NIPBL: variants seen among roughly 807,000 people sequenced by gnomAD.
NIPBL encodes the protein NIPBL cohesin loading factor, also known as nipped-B-like protein.
NIPBL carries 19 observed loss-of-function variants against 321.8 expected under a neutral mutation model. The observed-to-expected ratio is 0.06, with a 90% CI of 0.04 to 0.09. NIPBL has a LOEUF of 0.09. NIPBL is among the 10% of genes least tolerant of loss of function. The pLI, the probability that NIPBL is intolerant of heterozygous loss-of-function variation, is 1.00. For synonymous variants in NIPBL, 1,106 were observed against 1,114.1 expected (o/e 0.99, Z 0.14); for missense variants, 2,210 against 3,327.0 (o/e 0.66, Z 8.26).
At chr5:37,028,540 C>T (rs1580519706) in intron 32 of NIPBL, among the ~76,000 whole-genome samples, 1 of 151,712 alleles carries the variant, frequency 6.6e-6, no homozygotes, top group African/African-American at 2.4e-5. Context: ...GAAGTTTCGC[C>T]ATGTTGGCCA....
At chr5:37,058,740 C>T (rs1276852477) in intron 43 of NIPBL, 151 bp from the exon 44 acceptor site, 5 of 632,946 alleles carry the variant, frequency 7.9e-6, no homozygotes, top group Middle Eastern at 4.1e-4. Context: ...GAAACTATCC[C>T]CTAAGATTAC....
intron 1 of NIPBL, among the ~76,000 whole-genome samples, chr5:36,887,161 G>A (rs992482054): frequency 6.6e-6 from 1 of 151,866 alleles, no homozygotes; most frequent in African/African-American, 2.4e-5. Flanking sequence ...ATTATTATAT[G>A]GCATTTATTT....
At chr5:37,021,372 A>G (rs1442576375) in intron 27 of NIPBL, among the ~76,000 whole-genome samples, 1 of 152,160 alleles carries the variant, frequency 6.6e-6, no homozygotes, top group Non-Finnish European at 1.5e-5. Flanking sequence ...ATTTGTATGA[A>G]TGCACACACA....
At chr5:37,037,395 A>ATATATATATATATG (rs1008613851) in intron 33 of NIPBL, among the ~76,000 whole-genome samples, 1 of 141,020 alleles carries the variant, frequency 7.1e-6, no homozygotes, top group African/African-American at 2.5e-5. Context: ...CTCAAAAAAT[A>ATATATATATATATG]TATATATATA....
At chr5:37,013,322 C>T (rs1186419846) in intron 21 of NIPBL, among the ~76,000 whole-genome samples, 2 of 150,714 alleles carry the variant, frequency 1.3e-5, no homozygotes, top group African/African-American at 4.9e-5. Context: ...CCCTCCCGGA[C>T]GGGGCGGCTG....
chr5:37,052,774 ATAATTTT>A (rs1753705069), intron 42 of NIPBL, among the ~76,000 whole-genome samples: 1 of 152,232 alleles, frequency 6.6e-6, no homozygotes, highest in Non-Finnish European at 1.5e-5. Flanking sequence ...GGAATAATGT[ATAATTTT>A]GCCTCCATAC....
chr5:36,903,194 G>A (rs961801564), intron 1 of NIPBL, among the ~76,000 whole-genome samples: 1 of 152,094 alleles, frequency 6.6e-6, no homozygotes, highest in Non-Finnish European at 1.5e-5. Context: ...TCTAGGAATA[G>A]GATCATTATC....
chr5:36,910,176 T>A (rs187851681), intron 1 of NIPBL, among the ~76,000 whole-genome samples: 21 of 152,336 alleles, frequency 1.4e-4, no homozygotes, highest in Non-Finnish European at 2.2e-4. Context: ...TCTTATATTG[T>A]TGAAACAAAT....
At chr5:36,931,350 C>A (rs1251633279) in intron 1 of NIPBL, among the ~76,000 whole-genome samples, 1 of 151,936 alleles carries the variant, frequency 6.6e-6, no homozygotes, top group East Asian at 1.9e-4. Context: ...AGGAGTCTCA[C>A]TCTGTCACCC....
chr5:36,949,207 G>T (rs757147978), intron 1 of NIPBL, among the ~76,000 whole-genome samples: 10 of 151,846 alleles, frequency 6.6e-5, no homozygotes, highest in Non-Finnish European at 1.2e-4. Context: ...AGGTTATGTA[G>T]TAAGTGGGGG....
intron 1 of NIPBL, among the ~76,000 whole-genome samples, chr5:36,916,721 A>G (rs1014380264): frequency 3.9e-5 from 6 of 151,914 alleles, no homozygotes; most frequent in Non-Finnish European, 7.4e-5. Flanking sequence ...CCATTGTTCA[A>G]TTCCCACTTA....
intron 42 of NIPBL, among the ~76,000 whole-genome samples, chr5:37,056,000 G>A (rs546509208): frequency 2.0e-5 from 3 of 152,180 alleles, no homozygotes; most frequent in African/African-American, 7.2e-5. Flanking sequence ...AAATAGTGGG[G>A]AAGACATGGG....
intron 9 of NIPBL, among the ~76,000 whole-genome samples, chr5:36,977,977 A>G (rs1424083477): frequency 1.3e-5 from 2 of 151,994 alleles, no homozygotes; most frequent in Non-Finnish European, 2.9e-5. Context: ...CGGTGTATAT[A>G]TACCACATTT....
intron 9 of NIPBL, among the ~76,000 whole-genome samples, chr5:36,977,838 A>G (rs1018788929): frequency 1.3e-5 from 2 of 151,860 alleles, no homozygotes; most frequent in South Asian, 2.1e-4. Flanking sequence ...ATTCCCACTT[A>G]TAAGTGAGAA....
At chr5:36,930,135 AT>A (rs1417146782) in intron 1 of NIPBL, among the ~76,000 whole-genome samples, 2 of 152,162 alleles carry the variant, frequency 1.3e-5, no homozygotes, top group East Asian at 3.9e-4. Context: ...TTTGAAAAAG[AT>A]TATGTTGAAT....
At chr5:37,023,796 G>T (rs300063) in intron 29 of NIPBL, among the ~76,000 whole-genome samples, 78,001 of 137,742 alleles carry the variant, frequency 0.57, 23,913 homozygotes, top group African/African-American at 0.83. Flanking sequence ...TGACATTGAC[G>T]GATTAAAAAG....
At chr5:36,975,143 A>G (rs1261180841) in intron 8 of NIPBL, among the ~76,000 whole-genome samples, 1 of 152,086 alleles carries the variant, frequency 6.6e-6, no homozygotes, top group Non-Finnish European at 1.5e-5. Context: ...AAAGAGGATT[A>G]GCAAGCTGAA....
intron 9 of NIPBL, chr5:36,982,164 G>A: frequency 1.1e-6 from 1 of 921,556 alleles, no homozygotes; most frequent in African/African-American, 1.8e-5. Context: ...ATTTTCTTTA[G>A]GAATATATGT....
chr5:36,879,664 G>A (rs1433256005), intron 1 of NIPBL, among the ~76,000 whole-genome samples: 1 of 152,038 alleles, frequency 6.6e-6, no homozygotes, highest in Non-Finnish European at 1.5e-5. Context: ...TTAAAATTCA[G>A]TGAAAGGAGA....
Sources: gnomAD v4.1 joint callset for allele counts (sites outside exome capture counted in the v4.1 genomes callset) on GRCh38, gnomAD v4.1.1 for gene constraint, MANE v1.5 for transcripts, NCBI Gene and HGNC (gene_info 2026-07-23, HGNC 2026-07-21) for gene names.